The following PDE1A variants were observed in gnomAD, a reference collection of about 807,000 sequenced individuals.
PDE1A encodes dual specificity calcium/calmodulin-dependent 3',5'-cyclic nucleotide phosphodiesterase 1A.
In PDE1A, 35 loss-of-function variants were observed where a neutral mutation model predicts 61.7. The ratio of observed to expected loss-of-function variants is 0.57; its 90% confidence interval spans 0.43 to 0.75. The LOEUF is 0.75. Ranked by LOEUF, PDE1A falls within the 30% of genes least tolerant of loss-of-function variation. The pLI is 0.00. For synonymous variants in PDE1A, 232 were observed against 213.2 expected (o/e 1.09, Z -0.77); for missense variants, 597 against 630.6 (o/e 0.95, Z 0.57).
chr2:182,219,167 C>G (rs988341424), intron 7 of PDE1A, among the ~76,000 whole-genome samples: 6 of 151,884 alleles, frequency 4.0e-5, no homozygotes, highest in African/African-American at 1.5e-4. Context: ...ATAGAAAAGT[C>G]GTTTTTAAAG....
At chr2:182,206,006 G>T in exon 8 of PDE1A, 2 of 1,611,204 alleles carry the variant, frequency 1.2e-6, no homozygotes, top group Non-Finnish European at 1.7e-6. Flanking sequence ...TCGATAAGCT[G>T]CACTCACGTG....
At chr2:182,502,590 G>T (rs1435670750) in intron 2 of PDE1A, among the ~76,000 whole-genome samples, 5 of 152,148 alleles carry the variant, frequency 3.3e-5, no homozygotes, top group Admixed American at 2.0e-4. Flanking sequence ...GGCCACTTGA[G>T]CATCTAATGG....
intron 2 of PDE1A, among the ~76,000 whole-genome samples, chr2:182,454,535 TA>T (rs1461118984): frequency 1.3e-5 from 2 of 151,946 alleles, no homozygotes; most frequent in Admixed American, 6.6e-5. Context: ...AAGGCTACAG[TA>T]ACCAAAACAG....
At chr2:182,167,749 A>T, downstream of PDE1A, 1 of 265,542 alleles carries the variant, frequency 3.8e-6, no homozygotes, top group Non-Finnish European at 5.8e-6. Context: ...CATCCCTGCC[A>T]TTCACTCTCA....
the PDE1A span, among the ~76,000 whole-genome samples, chr2:182,584,063 A>C: frequency 1.3e-5 from 2 of 152,230 alleles, no homozygotes; most frequent in Non-Finnish European, 2.9e-5. Flanking sequence ...ACATTCTCTT[A>C]TTAGTTAAAA....
chr2:182,403,588 G>C (rs1309009334), intron 1 of PDE1A, among the ~76,000 whole-genome samples: 2 of 113,246 alleles, frequency 1.8e-5, no homozygotes, highest in East Asian at 4.6e-4. Context: ...GACAGAGCCA[G>C]ACTCCGTCTC....
intron 6 of PDE1A, among the ~76,000 whole-genome samples, chr2:182,224,260 A>G (rs1325010685): frequency 4.6e-5 from 7 of 151,938 alleles, no homozygotes; most frequent in Non-Finnish European, 8.8e-5. Flanking sequence ...TTGAATTTAC[A>G]GCCATACATG....
At chr2:182,698,647 A>T in the PDE1A span, among the ~76,000 whole-genome samples, 1 of 152,232 alleles carries the variant, frequency 6.6e-6, no homozygotes, top group Non-Finnish European at 1.5e-5. Flanking sequence ...ATGATGACAT[A>T]AAAGTGCTCA....
At chr2:182,612,421 G>A in the PDE1A span, among the ~76,000 whole-genome samples, 187 of 152,264 alleles carry the variant, frequency 1.2e-3, 1 homozygote, top group African/African-American at 4.4e-3. Context: ...CTTCCAGTAT[G>A]TAAGTTCTCA....
chr2:182,530,281 T>A, the PDE1A span, among the ~76,000 whole-genome samples: 2 of 152,202 alleles, frequency 1.3e-5, no homozygotes, highest in African/African-American at 4.8e-5. Context: ...TTAGCAACTT[T>A]GAGAGAAATT....
chr2:182,281,161 T>C (rs1408252417), intron 1 of PDE1A, among the ~76,000 whole-genome samples: 2 of 152,118 alleles, frequency 1.3e-5, no homozygotes, highest in East Asian at 3.9e-4. Flanking sequence ...TATTCTAAAA[T>C]GCATGAGTCA....
intron 1 of PDE1A, among the ~76,000 whole-genome samples, chr2:182,300,040 G>GC (rs1411189754): frequency 5.9e-5 from 9 of 152,170 alleles, no homozygotes; most frequent in African/African-American, 2.2e-4. Flanking sequence ...TAGTAGTCCA[G>GC]TTGTCTGGGA....
the PDE1A span, among the ~76,000 whole-genome samples, chr2:182,586,801 C>T: frequency 6.6e-6 from 1 of 152,064 alleles, no homozygotes; most frequent in African/African-American, 2.4e-5. Context: ...TTCATCCATT[C>T]GATAAATGTT....
chr2:182,436,527 C>T (rs1366830803), intron 2 of PDE1A, among the ~76,000 whole-genome samples: 1 of 151,892 alleles, frequency 6.6e-6, no homozygotes, highest in Non-Finnish European at 1.5e-5. Flanking sequence ...CTTAGAAATG[C>T]TGCATCTTTT....
At chr2:182,164,573 G>A (rs1691551839), downstream of PDE1A, among the ~76,000 whole-genome samples, 1 of 152,100 alleles carries the variant, frequency 6.6e-6, no homozygotes, top group South Asian at 2.1e-4. Flanking sequence ...CTCCTCCTCA[G>A]CTACCATTGT....
chr2:182,308,136 T>C (rs915586387), intron 1 of PDE1A, among the ~76,000 whole-genome samples: 2 of 152,176 alleles, frequency 1.3e-5, no homozygotes, highest in Non-Finnish European at 2.9e-5. Flanking sequence ...AACATTATTC[T>C]GCACAAGTTT....
the PDE1A span, among the ~76,000 whole-genome samples, chr2:182,679,028 A>C: frequency 7.6e-6 from 1 of 131,608 alleles, no homozygotes; most frequent in East Asian, 2.2e-4. Context: ...TTTTTGAGTC[A>C]GAGTCTCACT....
chr2:182,327,164 AGAGG>A (rs778331165), intron 1 of PDE1A, among the ~76,000 whole-genome samples: 185 of 152,340 alleles, frequency 1.2e-3, no homozygotes, highest in Non-Finnish European at 2.2e-3. Flanking sequence ...AAGACAGAAA[AGAGG>A]CAAATGAGTA....
chr2:182,449,270 TAACTC>T (rs1685351989), intron 2 of PDE1A, among the ~76,000 whole-genome samples: 1 of 149,466 alleles, frequency 6.7e-6, no homozygotes, highest in African/African-American at 2.5e-5. Flanking sequence ...AAAACATAAT[TAACTC>T]AACTTTACCA....
Sources: gnomAD v4.1 joint callset for allele counts (sites outside exome capture counted in the v4.1 genomes callset) on GRCh38, gnomAD v4.1.1 for gene constraint, MANE v1.5 for transcripts, NCBI Gene and HGNC (gene_info 2026-07-23, HGNC 2026-07-21) for gene names.